The following PTPRN2 variants were observed in gnomAD, a reference collection of about 807,000 sequenced individuals.
The protein encoded by PTPRN2 is protein tyrosine phosphatase receptor type N2.
A neutral mutation model predicts 118.8 loss-of-function variants in PTPRN2; 74 were observed. The ratio of observed to expected loss-of-function variants is 0.62; its 90% CI spans 0.52 to 0.76. PTPRN2 has a LOEUF of 0.76. PTPRN2 is among the 30% of genes least tolerant of loss of function. PTPRN2 has a pLI of 0.00. For synonymous variants in PTPRN2, 641 were observed against 608.0 expected (o/e 1.05, Z -0.80); for missense variants, 1,481 against 1,394.4 (o/e 1.06, Z -0.99).
At chr7:158,329,903 A>G (rs1483466058) in intron 2 of PTPRN2, among the ~76,000 whole-genome samples, 2 of 152,086 alleles carry the variant, frequency 1.3e-5, no homozygotes, top group African/African-American at 4.8e-5. Context: ...CCATAGCTAC[A>G]TGGAGTGACT....
intron 2 of PTPRN2, among the ~76,000 whole-genome samples, chr7:158,424,973 G>A (rs1050478443): frequency 6.6e-6 from 1 of 152,220 alleles, no homozygotes; most frequent in African/African-American, 2.4e-5. Context: ...TCTGGGGCCC[G>A]GGTGTTTCGG....
At chr7:157,685,420 C>G (rs927791158) in intron 12 of PTPRN2, among the ~76,000 whole-genome samples, 2 of 152,082 alleles carry the variant, frequency 1.3e-5, no homozygotes, top group African/African-American at 2.4e-5. Flanking sequence ...GTGGCGGACC[C>G]GGCAGTGGCA....
chr7:157,879,378 T>TGTGCACACACACACACTCGTGCAC (rs1307838828), intron 12 of PTPRN2, among the ~76,000 whole-genome samples: 17 of 152,212 alleles, frequency 1.1e-4, no homozygotes, highest in Non-Finnish European at 2.1e-4. Context: ...TGCACGTGCA[T>TGTGCACACACACACACTCGTGCAC]GTGCACACAC....
rs114549837 is a variant in PTPRN2 at position 158,150,625 on chromosome 7, A to T, written c.911-12110T>A. On this transcript the variant is annotated intron_variant, in intron 6 of 22. Coordinates refer to ENST00000389418, the MANE Select transcript of PTPRN2 (RefSeq NM_002847.5). ...CTTTTCTCCTTAAGATCTCGGTGTC[A>T]TCTCCTGCCCCTCTAATTCCACCCT... 4.6e-3 allele frequency among the ~76,000 whole-genome samples: 703 copies of T among 152,034 alleles called. 5 individuals carry two copies. The highest frequency in any genetic ancestry group is 0.016 in the African/African-American group (681 of 41,438).
At chr7:158,061,518 A>G (rs58864924) in intron 11 of PTPRN2, among the ~76,000 whole-genome samples, 12,671 of 152,296 alleles carry the variant, frequency 0.083, 1,224 homozygotes, top group African/African-American at 0.24. Flanking sequence ...AGGAGAGACC[A>G]GCTGCTGCTG....
At chr7:158,411,305 A>G (rs1814067857) in intron 2 of PTPRN2, among the ~76,000 whole-genome samples, 2 of 151,982 alleles carry the variant, frequency 1.3e-5, no homozygotes, top group Non-Finnish European at 1.5e-5. Context: ...CTTTCCGGCC[A>G]CCTTGAAATG....
chr7:157,591,253 C>T lies in PTPRN2; in HGVS notation c.2496+3985G>A, dbSNP rs1167817192. On this transcript the variant is annotated intron_variant, in intron 17 of 22. Transcript: ENST00000389418. The surrounding 1 kb of genome is among the most constrained non-coding windows in gnomAD (Gnocchi z 4.4). ...TTCCCATCACGGCCTTTCTCACGCT[C>T]ACACTTTCTTCCTGGAATTTGCTGA... is the stretch of plus-strand genomic sequence containing the variant. 6.6e-6 allele frequency among the ~76,000 whole-genome samples: 1 copy of T among 152,208 alleles called. No homozygotes were observed. The highest frequency in any genetic ancestry group is 2.4e-5 in the African/African-American group (1 of 41,460).
At chr7:157,865,405 G>C (rs1272593488) in intron 12 of PTPRN2, 2 of 152,202 alleles carry the variant, frequency 1.3e-5, no homozygotes, top group South Asian at 2.1e-4. Flanking sequence ...GGGTCCTGGA[G>C]GTGGGTGACC....
At chr7:157,778,908 G>C (rs1045812339) in intron 12 of PTPRN2, among the ~76,000 whole-genome samples, 2 of 152,172 alleles carry the variant, frequency 1.3e-5, no homozygotes, top group African/African-American at 4.8e-5. Flanking sequence ...CTGCTCTCTG[G>C]ACAGACCACA....
chr7:158,356,296 T>C (rs1220303710), intron 2 of PTPRN2, among the ~76,000 whole-genome samples: 1 of 152,220 alleles, frequency 6.6e-6, no homozygotes, highest in Non-Finnish European at 1.5e-5. Context: ...TTTTTATTTA[T>C]AAAGCCCCAC....
intron 2 of PTPRN2, among the ~76,000 whole-genome samples, chr7:158,476,208 TTG>T (rs1396844439): frequency 1.4e-4 from 22 of 152,354 alleles, no homozygotes; most frequent in African/African-American, 5.1e-4. Flanking sequence ...TTTCACCATG[TTG>T]CCAGGCTGGT....
intron 11 of PTPRN2, among the ~76,000 whole-genome samples, chr7:157,993,901 G>A (rs897192583): frequency 6.6e-6 from 1 of 152,116 alleles, no homozygotes; most frequent in African/African-American, 2.4e-5. Flanking sequence ...GGGGTCAGTG[G>A]CCCCCCATGC....
In PTPRN2 at chr7:158,570,695, G is replaced by C. The variant is rs1339991268; in HGVS notation, c.112+16863C>G. ...TGTATACCGGCTCAGCACGCGGCTG[G>C]GTACGGTTTGCAACGCCGAGAGCCC... On this transcript the variant is annotated intron_variant, in intron 1 of 22. Coordinates refer to ENST00000389418, the MANE Select transcript of PTPRN2 (RefSeq NM_002847.5). The surrounding 1 kb of genome is among the most constrained non-coding windows in gnomAD (Gnocchi z 4.5). 6.6e-6 allele frequency among the ~76,000 whole-genome samples: 1 copy of C among 152,206 alleles called. No homozygotes were observed. Among genetic ancestry groups the C allele is most frequent in the Non-Finnish European group, 1.5e-5 (1 of 68,018 alleles).
chr7:157,609,736 G>A lies in PTPRN2; in HGVS notation c.2345-5661C>T, dbSNP rs1802220964. Among the ~76,000 whole-genome samples, 1 of 152,234 alleles carries A rather than the reference G, an allele frequency of 6.6e-6. No individual in the cohort carries two copies. The highest frequency in any genetic ancestry group is 1.5e-5 in the Non-Finnish European group (1 of 68,046). ...GTAAATGGCACGCAGCAAGCAATGA[G>A]GAGCAAGGCTGAGATGACGGTGGAC... On this transcript the variant is annotated intron_variant, in intron 15 of 22. Transcript: ENST00000389418. This position sits in a 1 kb window ranked among gnomAD's most constrained non-coding sequence, Gnocchi z 4.9.
At chr7:158,127,439 C>T (rs1199990970) in intron 9 of PTPRN2, among the ~76,000 whole-genome samples, 1 of 152,096 alleles carries the variant, frequency 6.6e-6, no homozygotes, top group Non-Finnish European at 1.5e-5. Context: ...ACCAGGAAAC[C>T]CAAGCACAGG....
At chr7:157,549,408 A>G (rs1406521387) in intron 21 of PTPRN2, among the ~76,000 whole-genome samples, 1 of 151,036 alleles carries the variant, frequency 6.6e-6, no homozygotes, top group Non-Finnish European at 1.5e-5. Context: ...GCATAGGATT[A>G]CTTTTTTATT....
chr7:158,012,466 T>G (rs1806119261), intron 11 of PTPRN2, among the ~76,000 whole-genome samples: 1 of 152,196 alleles, frequency 6.6e-6, no homozygotes, highest in East Asian at 1.9e-4. Context: ...TTTCCAAAAT[T>G]CACAAAGCGT....
At chr7:157,860,685 G>A (rs546020063) in intron 12 of PTPRN2, among the ~76,000 whole-genome samples, 2 of 152,236 alleles carry the variant, frequency 1.3e-5, no homozygotes, top group Non-Finnish European at 2.9e-5. Context: ...CTCACTAAAC[G>A]TGTTGAGATA....
At chr7:157,836,271 T>C (rs1807925912) in intron 12 of PTPRN2, among the ~76,000 whole-genome samples, 1 of 152,254 alleles carries the variant, frequency 6.6e-6, no homozygotes, top group Admixed American at 6.5e-5. Context: ...GCAGGTTTAT[T>C]GGACTTGCCA....
Sources: gnomAD v4.1 joint callset for allele counts (sites outside exome capture counted in the v4.1 genomes callset) on GRCh38, gnomAD v4.1.1 for gene constraint, Gnocchi (gnomAD v3.1) non-coding constraint, MANE v1.5 for transcripts, NCBI Gene and HGNC (gene_info 2026-07-23, HGNC 2026-07-21) for gene names.